Variants in CSMD1 observed in about 807,000 individuals in gnomAD.
CSMD1 encodes CUB and Sushi multiple domains 1.
CSMD1 carries 213 observed loss-of-function variants against 417.5 expected under a neutral mutation model. The observed-to-expected ratio is 0.51, with a 90% CI of 0.46 to 0.57. The LOEUF is 0.57. Among genes scored for constraint, CSMD1 ranks in the 20% least tolerant of loss-of-function variants. The probability of loss-of-function intolerance (pLI) is 0.00; values close to 1 mark genes in which losing one functional copy is unlikely to be tolerated. For missense variants in CSMD1, 6,923 were observed against 4,529.7 expected, an observed-to-expected ratio of 1.53 and a Z score of -15.17; for synonymous variants, 2,862 against 1,736.8, an observed-to-expected ratio of 1.65 and a Z score of -16.11.
intron 50 of CSMD1, among the ~76,000 whole-genome samples, chr8:3,048,278 C>A (rs779464918): frequency 6.6e-6 from 1 of 151,678 alleles, no homozygotes; most frequent in Non-Finnish European, 1.5e-5. Context: ...TACAAATTAC[C>A]AAATTATATT....
At chr8:4,040,413 C>G (rs980663161) in intron 3 of CSMD1, among the ~76,000 whole-genome samples, 13 of 152,056 alleles carry the variant, frequency 8.5e-5, no homozygotes, top group African/African-American at 2.9e-4. Flanking sequence ...AAGTAATTTC[C>G]AGGACAGGTA....
chr8:4,684,654 G>A (rs1372176568), intron 1 of CSMD1, among the ~76,000 whole-genome samples: 2 of 152,072 alleles, frequency 1.3e-5, no homozygotes, highest in African/African-American at 4.8e-5. Flanking sequence ...GGATTATAAG[G>A]CAATTAAGTG....
At chr8:4,312,383 A>ATATATATACACACG (rs1265054451) in intron 3 of CSMD1, among the ~76,000 whole-genome samples, 3,337 of 67,068 alleles carry the variant, frequency 0.05, 848 homozygotes, top group African/African-American at 0.14. Context: ...ACAAATATAT[A>ATATATATACACACG]TATATATATA....
At chr8:3,236,524 G>C (rs1235540447) in intron 26 of CSMD1, among the ~76,000 whole-genome samples, 1 of 152,142 alleles carries the variant, frequency 6.6e-6, no homozygotes, top group African/African-American at 2.4e-5. Context: ...TTTTCCTCTA[G>C]TTATGAATGA....
At chr8:2,943,933 A>C (rs2128914655) in intron 68 of CSMD1, among the ~76,000 whole-genome samples, 1 of 152,356 alleles carries the variant, frequency 6.6e-6, no homozygotes, top group South Asian at 2.1e-4. Flanking sequence ...GCAAAAAATC[A>C]ATCAAATATT....
intron 12 of CSMD1, among the ~76,000 whole-genome samples, chr8:3,466,929 G>A (rs6988628): frequency 0.016 from 2,463 of 152,056 alleles, 59 homozygotes; most frequent in African/African-American, 0.054. Context: ...CTCAAATGTT[G>A]TATTGGTTAA....
intron 1 of CSMD1, among the ~76,000 whole-genome samples, chr8:4,749,780 A>G (rs998702779): frequency 6.6e-6 from 1 of 152,152 alleles, no homozygotes; most frequent in African/African-American, 2.4e-5. Flanking sequence ...TAAAATGTGT[A>G]AGTCTGGGCC....
At chr8:4,886,799 T>C (rs1803770824) in intron 1 of CSMD1, among the ~76,000 whole-genome samples, 1 of 152,094 alleles carries the variant, frequency 6.6e-6, no homozygotes, top group Admixed American at 6.5e-5. Flanking sequence ...ATTCTTAAAA[T>C]ATTTTTATTT....
chr8:3,701,099 G>T (rs899378602), intron 7 of CSMD1, among the ~76,000 whole-genome samples: 1 of 151,982 alleles, frequency 6.6e-6, no homozygotes, highest in Non-Finnish European at 1.5e-5. Flanking sequence ...CTGAATGGTG[G>T]AAGTCACAGA....
intron 10 of CSMD1, among the ~76,000 whole-genome samples, chr8:3,508,466 C>T (rs1331727188): frequency 2.6e-5 from 4 of 151,660 alleles, no homozygotes; most frequent in East Asian, 3.9e-4. Context: ...TGTAACAAAC[C>T]TGCATGTTGT....
chr8:4,589,845 T>C (rs988349304), intron 2 of CSMD1, among the ~76,000 whole-genome samples: 15 of 152,180 alleles, frequency 9.9e-5, no homozygotes, highest in African/African-American at 3.4e-4. Context: ...GAATGCAGCG[T>C]ATTAATAATT....
chr8:3,807,559 C>G (rs987845132), intron 5 of CSMD1, among the ~76,000 whole-genome samples: 1 of 152,168 alleles, frequency 6.6e-6, no homozygotes, highest in Non-Finnish European at 1.5e-5. Context: ...GTTAATTGCA[C>G]ATTTTAATAA....
intron 12 of CSMD1, among the ~76,000 whole-genome samples, chr8:3,443,127 A>G (rs1815094432): frequency 6.6e-6 from 1 of 152,244 alleles, no homozygotes; most frequent in African/African-American, 2.4e-5. Flanking sequence ...GCAGACATCC[A>G]CTAGTGAGCA....
At chr8:3,633,988 C>T (rs562609456) in intron 7 of CSMD1, among the ~76,000 whole-genome samples, 1 of 151,828 alleles carries the variant, frequency 6.6e-6, no homozygotes, top group South Asian at 2.1e-4. Flanking sequence ...TATGCATGAC[C>T]CTTATATAAA....
chr8:3,448,550 G>T (rs960573641), intron 12 of CSMD1, among the ~76,000 whole-genome samples: 2 of 151,982 alleles, frequency 1.3e-5, no homozygotes, highest in African/African-American at 4.8e-5. Context: ...AAGGTTTAAA[G>T]AAAAGTGAAG....
chr8:4,736,098 T>A (rs1250663294), intron 1 of CSMD1, among the ~76,000 whole-genome samples: 1 of 152,198 alleles, frequency 6.6e-6, no homozygotes, highest in East Asian at 1.9e-4. Context: ...ATTGGAAAGC[T>A]TTGTTTCTCA....
At chr8:4,859,990 G>C (rs1240920697) in intron 1 of CSMD1, among the ~76,000 whole-genome samples, 2 of 152,022 alleles carry the variant, frequency 1.3e-5, no homozygotes, top group Non-Finnish European at 2.9e-5. Context: ...ATTCACGATA[G>C]CAAAGACTTG....
In CSMD1 at chr8:4,545,364, C is replaced by A. The variant is rs190364902; in HGVS notation, c.302+91978G>T. ...ATTTATTATTCTTTCGTTTTATTCTCCTCCAAATATGGAGTTTTCAATCAA... is the reference window on the plus strand; with the variant it reads ...ATTTATTATTCTTTCGTTTTATTCTACTCCAAATATGGAGTTTTCAATCAA... On this transcript the variant is annotated intron_variant, in intron 2 of 69. Coordinates refer to ENST00000635120, the MANE Select transcript of CSMD1 (RefSeq NM_033225.6). Among the ~76,000 whole-genome samples the A allele has an allele frequency of 5.3e-5, 8 of 152,312 alleles. No homozygotes were observed. The East Asian group carries it at 1.5e-3, about 29-fold the overall frequency.
chr8:4,156,339 G>A lies in CSMD1; in HGVS notation c.416-124240C>T, dbSNP rs375724082. Reference sequence around the variant, plus strand: ...CTCTGAACGGCCGTGCAAAGTTTATGTTCTCTCTGGTTTTGATAAAACTTA... The same window carrying A: ...CTCTGAACGGCCGTGCAAAGTTTATATTCTCTCTGGTTTTGATAAAACTTA... On this transcript the variant is annotated intron_variant, in intron 3 of 69. Transcript: ENST00000635120. 3.3e-5 allele frequency among the ~76,000 whole-genome samples: 5 copies of A among 152,094 alleles called. No individual in the cohort carries two copies. In the South Asian group the frequency reaches 8.3e-4, roughly 25 times the overall value.
Sources: allele counts gnomAD v4.1 joint callset (sites outside exome capture counted in the v4.1 genomes callset), GRCh38; gene constraint gnomAD v4.1.1; transcripts MANE v1.5; gene names NCBI Gene and HGNC (gene_info 2026-07-23, HGNC 2026-07-21).